The following SH3BP5 variants were observed in gnomAD, a reference collection of about 807,000 sequenced individuals.
SH3BP5 encodes SH3 domain binding protein 5, also known as SH3 domain-binding protein 5.
A neutral mutation model predicts 43.3 loss-of-function variants in SH3BP5; 22 were observed. That is an observed-to-expected ratio of 0.51 (90% CI 0.36 to 0.73). The LOEUF (loss-of-function observed/expected upper bound fraction) is 0.73. Ranked by LOEUF, SH3BP5 falls within the 30% of genes least tolerant of loss-of-function variation. SH3BP5 has a pLI of 0.00. For missense variants in SH3BP5, 529 were observed against 586.9 expected, an observed-to-expected ratio of 0.90 and a Z score of 1.02; for synonymous variants, 255 against 225.8, an observed-to-expected ratio of 1.13 and a Z score of -1.16.
At chr3:15,336,907 A>G (rs1413103811), upstream of SH3BP5, among the ~76,000 whole-genome samples, 2 of 151,944 alleles carry the variant, frequency 1.3e-5, no homozygotes, top group Non-Finnish European at 2.9e-5. Flanking sequence ...ACTACAGTCA[A>G]CCACAACTCC....
At chr3:15,293,472 C>G (rs1049079612) in intron 3 of SH3BP5, among the ~76,000 whole-genome samples, 2 of 152,224 alleles carry the variant, frequency 1.3e-5, no homozygotes, top group Non-Finnish European at 2.9e-5. Flanking sequence ...CCCAAGGACT[C>G]CAGATTCTTG....
intron 2 of SH3BP5, among the ~76,000 whole-genome samples, chr3:15,305,131 T>C (rs9852830): frequency 6.9e-6 from 1 of 145,942 alleles, no homozygotes; most frequent in Non-Finnish European, 1.5e-5. Context: ...AAAAAAAAAA[T>C]TAATTCATTA....
At chr3:15,297,872 C>G (rs1697619766) in intron 3 of SH3BP5, among the ~76,000 whole-genome samples, 1 of 152,076 alleles carries the variant, frequency 6.6e-6, no homozygotes, top group South Asian at 2.1e-4. Flanking sequence ...ATCAGAAAAA[C>G]TGGCCAACAA....
At chr3:15,273,019 G>C in intron 3 of SH3BP5, 1 of 478,436 alleles carries the variant, frequency 2.1e-6, no homozygotes, top group African/African-American at 2.1e-5. Context: ...GCCCTGCAGG[G>C]CCTCCGCAGG....
chr3:15,262,603 C>G (rs376049645), intron 4 of SH3BP5, among the ~76,000 whole-genome samples: 1 of 152,094 alleles, frequency 6.6e-6, no homozygotes, highest in East Asian at 1.9e-4. Context: ...TTGCAGTGAG[C>G]CAAGATCGTG....
In SH3BP5 at chr3:15,275,052, T is replaced by C. The variant is rs560865119; in HGVS notation, c.331-5175A>G. On this transcript the variant is annotated intron_variant, in intron 3 of 8. Transcript: ENST00000383791. The stretch of plus-strand genomic sequence containing the variant: ...GACCCAAACCTTATCAGGAAGTAAT[T>C]AGGGTTAGATGAGGTCCTGAGGGTG... Among the ~76,000 whole-genome samples, 6 of 152,132 alleles carry C rather than the reference T, an allele frequency of 3.9e-5. No homozygotes were observed. The East Asian group carries it at 9.7e-4, about 25-fold the overall frequency.
chr3:15,337,774 G>C (rs978641477), intron 1 of SH3BP5, among the ~76,000 whole-genome samples: 1 of 151,704 alleles, frequency 6.6e-6, no homozygotes, highest in Non-Finnish European at 1.5e-5. Flanking sequence ...AATTAGCGGA[G>C]TGTGGTGGTG....
rs138275737 is a variant in SH3BP5 at position 15,273,057 on chromosome 3, G to A, written c.331-3180C>T. The A allele has an allele frequency of 4.8e-3, 4,095 of 855,298 alleles. 20 individuals carry two copies. Among genetic ancestry groups the A allele is most frequent in the Admixed American group, 0.012 (187 of 16,110 alleles). 53.0% of individuals were successfully genotyped at this position (855,298 alleles called of 1,614,324 possible). A position where few individuals can be genotyped will look rare whatever the true frequency, so the allele number is the denominator to read the frequency against. On this transcript the variant is annotated intron_variant, in intron 3 of 8. Transcript: ENST00000383791. ...AAGCTGCTGGGAACGAGAGGAAGCA[G>A]AGGGAACCTGTCACCTTAAAAGCCA...
chr3:15,298,255 C>G lies in SH3BP5; in HGVS notation c.330+5848G>C, dbSNP rs573471859. Among the ~76,000 whole-genome samples, 120 of 152,248 alleles carry G rather than the reference C, an allele frequency of 7.9e-4. 1 individual carries two copies. Among genetic ancestry groups the G allele is most frequent in the African/African-American group, 2.8e-3 (116 of 41,526 alleles). Reference sequence around the variant, plus strand: ...AGTGCTGGGATTACAGGCCTGAGATCCCTCAATTAGCCAACTCCATTTTAT... The same window carrying G: ...AGTGCTGGGATTACAGGCCTGAGATGCCTCAATTAGCCAACTCCATTTTAT... On this transcript the variant is annotated intron_variant, in intron 3 of 8. Coordinates refer to ENST00000383791, the MANE Select transcript of SH3BP5 (RefSeq NM_004844.5).
intron 3 of SH3BP5, among the ~76,000 whole-genome samples, chr3:15,295,263 T>G (rs1203227485): frequency 6.6e-6 from 1 of 152,216 alleles, no homozygotes; most frequent in East Asian, 1.9e-4. Context: ...CTAAGCTTTA[T>G]TTGTAACCCC....
At chr3:15,277,139 C>G (rs1811610) in intron 3 of SH3BP5, among the ~76,000 whole-genome samples, 1,686 of 152,112 alleles carry the variant, frequency 0.011, 35 homozygotes, top group African/African-American at 0.039. Context: ...TTAGTAGATA[C>G]GAAACAGGGT....
chr3:15,275,734 G>C (rs967354059), intron 3 of SH3BP5: 3 of 152,138 alleles, frequency 2.0e-5, no homozygotes, highest in African/African-American at 7.2e-5. Context: ...TTAAAAGGCA[G>C]CTTATGGGCT....
Position 15,332,327 on chromosome 3 carries a change from C to T in SH3BP5, c.82G>A (p.Glu28Lys). 7.7e-7 allele frequency: 1 copy of T among 1,300,712 alleles called. No homozygotes were observed. The highest frequency in any genetic ancestry group is 1.0e-6 in the Non-Finnish European group (1 of 977,844). The allele number at this position is 1,300,712 out of a possible 1,614,324, so 80.6% of individuals were successfully genotyped here. The change falls in exon 1 of 9, where the codon GAA (glutamate) becomes AAA (lysine). Residue 28 changes from glutamate (E) to lysine (K), a missense_variant. Glu to Lys is a moderately conservative substitution (Grantham distance 56, BLOSUM62 1). Around this residue, in one of 3 missense-constraint regions of SH3BP5, gnomAD observed 75 missense variants for 61.8 expected, o/e 1.21. Coordinates refer to ENST00000383791, the MANE Select transcript of SH3BP5 (RefSeq NM_004844.5). ...TCCAGCCCCTGCTCCATCCCCTCTT[C>T]CTCCTCCTCCTCCTCGTCCCGGGCA... ...PPARDEEEEEEEGMEQGLEEE... is the reference protein window; with the variant it reads ...PPARDEEEEEKEGMEQGLEEE...
At chr3:15,321,065 A>G (rs1698313015) in intron 2 of SH3BP5, among the ~76,000 whole-genome samples, 1 of 152,198 alleles carries the variant, frequency 6.6e-6, no homozygotes. Flanking sequence ...TGTTCTAGCC[A>G]ATGGCCAGAA....
At position 15,304,917 on chromosome 3, in the gene SH3BP5, G is replaced by A. The variant is rs141496105; in HGVS notation, c.202-686C>T. Among the ~76,000 whole-genome samples, 802 of 151,216 alleles carry A rather than the reference G, an allele frequency of 5.3e-3. 3 individuals are homozygous for A. Among genetic ancestry groups the A allele is most frequent in the South Asian group, 0.01 (50 of 4,780 alleles). ...TGCTGTGCACTGTGGGGGAGATATC[G>A]GTAGGATGGACCCTTTGGAAATTAA... On this transcript the variant is annotated intron_variant, in intron 2 of 8. Coordinates refer to ENST00000383791, the MANE Select transcript of SH3BP5 (RefSeq NM_004844.5).
rs186207786 is a variant in SH3BP5 at position 15,278,564 on chromosome 3, G to A, written c.331-8687C>T. On this transcript the variant is annotated intron_variant, in intron 3 of 8. Coordinates refer to ENST00000383791, the MANE Select transcript of SH3BP5 (RefSeq NM_004844.5). ...AGAAACTGGCCATTCTGATAGCACC[G>A]TTTCACCCCTGAGGATGTCTGGCAT... Among the ~76,000 whole-genome samples the A allele has an allele frequency of 2.3e-3, 345 of 152,238 alleles. 1 individual carries two copies. The highest frequency in any genetic ancestry group is 2.7e-3 in the Non-Finnish European group (185 of 68,012).
chr3:15,266,065 C>A (rs1238951466), intron 4 of SH3BP5, among the ~76,000 whole-genome samples: 1 of 152,184 alleles, frequency 6.6e-6, no homozygotes, highest in Non-Finnish European at 1.5e-5. Flanking sequence ...ATCTCCAGGG[C>A]CTTTGCACCC....
In SH3BP5 at chr3:15,255,416, A is replaced by AT. The variant is rs1242264972; in HGVS notation, c.*669dup. ...CCTTCTATAAGTCCCTCCTACCCTC[A>AT]TCCCCCCGCATCCCCACTGGCATTC... On this transcript the variant is annotated 3_prime_UTR_variant, in exon 9 of 9. Coordinates refer to ENST00000383791, the MANE Select transcript of SH3BP5 (RefSeq NM_004844.5). The AT allele has an allele frequency of 6.6e-6, 1 of 152,066 alleles. No individual in the cohort carries two copies. The highest frequency in any genetic ancestry group is 1.5e-5 in the Non-Finnish European group (1 of 67,966). The allele number at this position is 152,066 out of a possible 1,614,324, so 9.4% of individuals were successfully genotyped here. A position where few individuals can be genotyped will look rare whatever the true frequency, so the allele number is the denominator to read the frequency against.
chr3:15,298,466 C>A (rs1313315425), intron 3 of SH3BP5, among the ~76,000 whole-genome samples: 1 of 152,208 alleles, frequency 6.6e-6, no homozygotes, highest in Non-Finnish European at 1.5e-5. Context: ...CAACTTTCAG[C>A]ACTAAATAAT....
Sources: allele counts gnomAD v4.1 joint callset (sites outside exome capture counted in the v4.1 genomes callset), GRCh38; gene constraint gnomAD v4.1.1; regional missense constraint gnomAD v4.1.1; transcripts MANE v1.5; gene names NCBI Gene and HGNC (gene_info 2026-07-23, HGNC 2026-07-21).